The following CSMD3 variants were observed in gnomAD, a reference collection of about 807,000 sequenced individuals.
The protein encoded by CSMD3 is CUB and sushi domain-containing protein 3.
Under a neutral mutation model 435.2 loss-of-function variants are expected in CSMD3, and 177 were observed. The ratio of observed to expected loss-of-function variants is 0.41; its 90% CI spans 0.36 to 0.46. The LOEUF (loss-of-function observed/expected upper bound fraction) is 0.46. Ranked by LOEUF, CSMD3 falls within the 20% of genes least tolerant of loss-of-function variation. CSMD3 has a pLI of 0.34. For missense variants in CSMD3, 4,265 were observed against 4,504.6 expected, an observed-to-expected ratio of 0.95 and a Z score of 1.52; for synonymous variants, 1,656 against 1,520.5, an observed-to-expected ratio of 1.09 and a Z score of -2.07.
At chr8:112,741,438 GA>G (rs2077302371) in intron 13 of CSMD3, among the ~76,000 whole-genome samples, 1 of 151,720 alleles carries the variant, frequency 6.6e-6, no homozygotes, top group South Asian at 2.1e-4. Flanking sequence ...AAAAACAAAA[GA>G]AAACAAACAA....
intron 12 of CSMD3, among the ~76,000 whole-genome samples, chr8:112,810,514 T>A (rs1395458695): frequency 2.0e-5 from 3 of 152,114 alleles, no homozygotes; most frequent in African/African-American, 7.2e-5. Context: ...TTTGCAGAGA[T>A]TTAATTGACT....
intron 4 of CSMD3, among the ~76,000 whole-genome samples, chr8:113,148,548 T>C (rs1362117296): frequency 6.6e-6 from 1 of 151,780 alleles, no homozygotes; most frequent in East Asian, 1.9e-4. Context: ...TGTTCACAAC[T>C]ATATTTCCAG....
intron 45 of CSMD3, among the ~76,000 whole-genome samples, chr8:112,329,167 C>T (rs1823795074): frequency 6.6e-6 from 1 of 152,126 alleles, no homozygotes. Flanking sequence ...CCAAAGACCT[C>T]TTCTCTACAT....
chr8:113,307,337 T>G (rs1291959614), intron 2 of CSMD3, among the ~76,000 whole-genome samples: 1 of 152,158 alleles, frequency 6.6e-6, no homozygotes, highest in Non-Finnish European at 1.5e-5. Flanking sequence ...TAATTCTTCT[T>G]CACTTTAATG....
At chr8:113,007,706 T>A (rs1011873789) in intron 6 of CSMD3, among the ~76,000 whole-genome samples, 23 of 151,964 alleles carry the variant, frequency 1.5e-4, no homozygotes, top group Non-Finnish European at 2.5e-4. Flanking sequence ...AGGGTGTTTT[T>A]CTTCCATCAA....
chr8:112,961,171 G>A (rs2084214633), intron 7 of CSMD3, among the ~76,000 whole-genome samples: 1 of 151,666 alleles, frequency 6.6e-6, no homozygotes, highest in African/African-American at 2.4e-5. Context: ...TTAAGGTCTA[G>A]TTAGTCTCAG....
intron 38 of CSMD3, among the ~76,000 whole-genome samples, chr8:112,365,764 GAGA>G (rs1827728994): frequency 2.0e-5 from 3 of 152,138 alleles, no homozygotes; most frequent in Admixed American, 6.5e-5. Flanking sequence ...GAAGGAATGA[GAGA>G]AGAAGATGAA....
In CSMD3 at chr8:113,220,116, ACT is replaced by A. The variant is rs1364918223; in HGVS notation, c.515-46202_515-46201del. Among the ~76,000 whole-genome samples the A allele has an allele frequency of 4.0e-5, 6 of 151,430 alleles. No individual in the cohort carries two copies. In the East Asian group the frequency reaches 1.2e-3, roughly 30 times the overall value. Reference sequence around the variant, plus strand: ...AAAAAATTGGAAAGCTTAATAAAATACTCTGTTAGTGAGGTTGTAGGAAACAG... The same window carrying A: ...AAAAAATTGGAAAGCTTAATAAAATACTGTTAGTGAGGTTGTAGGAAACAG... On this transcript the variant is annotated intron_variant, in intron 3 of 70. Coordinates refer to ENST00000297405, the MANE Select transcript of CSMD3 (RefSeq NM_198123.2).
At chr8:112,860,316 GTTGAT>G (rs1272018135) in intron 10 of CSMD3, among the ~76,000 whole-genome samples, 3 of 151,714 alleles carry the variant, frequency 2.0e-5, no homozygotes, top group Non-Finnish European at 4.4e-5. Flanking sequence ...TATATCTTGT[GTTGAT>G]TTAATAGTTA....
chr8:112,455,896 T>C (rs1436045590), intron 32 of CSMD3, among the ~76,000 whole-genome samples: 2 of 152,138 alleles, frequency 1.3e-5, no homozygotes, highest in Non-Finnish European at 2.9e-5. Flanking sequence ...AATTTTATAG[T>C]TATTTTTTGT....
At chr8:113,124,057 C>T (rs1469433902) in intron 4 of CSMD3, among the ~76,000 whole-genome samples, 2 of 152,004 alleles carry the variant, frequency 1.3e-5, no homozygotes, top group African/African-American at 4.8e-5. Flanking sequence ...TACATTTTCT[C>T]ATATCCTTTC....
At chr8:113,048,496 GTTATA>G (rs1207946725) in intron 5 of CSMD3, among the ~76,000 whole-genome samples, 1 of 152,066 alleles carries the variant, frequency 6.6e-6, no homozygotes, top group Non-Finnish European at 1.5e-5. Flanking sequence ...GCTTTTGTCA[GTTATA>G]TTAAAGTCTT....
intron 3 of CSMD3, among the ~76,000 whole-genome samples, chr8:113,236,336 T>C (rs1178292498): frequency 1.3e-5 from 2 of 152,110 alleles, no homozygotes. Context: ...CCTCTCAGAG[T>C]GTACTTTTGC....
At chr8:112,655,930 T>G (rs1457389513) in intron 18 of CSMD3, among the ~76,000 whole-genome samples, 1 of 152,076 alleles carries the variant, frequency 6.6e-6, no homozygotes, top group Non-Finnish European at 1.5e-5. Flanking sequence ...GCTTCTGATA[T>G]TTCTTTAGTA....
chr8:113,236,508 CTCTG>C (rs915120424), intron 3 of CSMD3, among the ~76,000 whole-genome samples: 8 of 152,072 alleles, frequency 5.3e-5, no homozygotes, highest in African/African-American at 1.2e-4. Flanking sequence ...CTATAGTGCT[CTCTG>C]TCTCTCTCTA....
chr8:112,332,765 G>GA (rs1824189306), intron 45 of CSMD3, among the ~76,000 whole-genome samples: 1 of 152,034 alleles, frequency 6.6e-6, no homozygotes. Context: ...TGTCCTATTT[G>GA]AAAAATCTAA....
intron 67 of CSMD3, among the ~76,000 whole-genome samples, chr8:112,235,178 C>T (rs1448544100): frequency 1.3e-5 from 2 of 151,960 alleles, no homozygotes; most frequent in East Asian, 1.9e-4. Context: ...TTAGGAGTTC[C>T]AGACCAGCCT....
At chr8:112,914,685 C>G (rs1307228475) in intron 10 of CSMD3, among the ~76,000 whole-genome samples, 2 of 151,608 alleles carry the variant, frequency 1.3e-5, no homozygotes, top group Non-Finnish European at 2.9e-5. Flanking sequence ...TCTGCCTATG[C>G]CTTTTGTTTC....
chr8:112,642,823 C>T (rs971678260), intron 20 of CSMD3, among the ~76,000 whole-genome samples: 1 of 152,144 alleles, frequency 6.6e-6, no homozygotes, highest in African/African-American at 2.4e-5. Context: ...CTACAAACTT[C>T]TTATCAATTA....
Sources: allele counts gnomAD v4.1 joint callset (sites outside exome capture counted in the v4.1 genomes callset), GRCh38; gene constraint gnomAD v4.1.1; transcripts MANE v1.5; gene names NCBI Gene and HGNC (gene_info 2026-07-23, HGNC 2026-07-21).